RC3H2: variants seen among roughly 807,000 people sequenced by gnomAD.
RC3H2 encodes the protein roquin-2.
A neutral mutation model predicts 133.3 loss-of-function variants in RC3H2; 31 were observed. That is an observed-to-expected ratio of 0.23 (90% CI 0.17 to 0.31). RC3H2 has a LOEUF of 0.31. Ranked by LOEUF, RC3H2 falls within the 10% of genes least tolerant of loss-of-function variation. The probability of loss-of-function intolerance (pLI) is 1.00; values close to 1 mark genes in which losing one functional copy is unlikely to be tolerated. For synonymous variants in RC3H2, 517 were observed against 502.2 expected (o/e 1.03, Z -0.40); for missense variants, 1,175 against 1,437.2 (o/e 0.82, Z 2.95).
Position 122,844,924 on chromosome 9 carries a change from A to G in RC3H2, c.*4703T>C, listed in dbSNP as rs1829837510. ...ATATATATTCCCCATTTCATTGTAC[A>G]GAATTATTTTAAATTATAGTTTTAA... On this transcript the variant is annotated 3_prime_UTR_variant, in exon 21 of 21. Coordinates refer to ENST00000357244, the MANE Select transcript of RC3H2 (RefSeq NM_001100588.3). 6.6e-6 allele frequency: 1 copy of G among 152,244 alleles called. No individual in the cohort carries two copies. Among genetic ancestry groups the G allele is most frequent in the Admixed American group, 6.5e-5 (1 of 15,280 alleles). 9.4% of individuals were successfully genotyped at this position (152,244 alleles called of 1,614,324 possible). A position where few individuals can be genotyped will look rare whatever the true frequency, so the allele number is the denominator to read the frequency against.
At chr9:122,887,022 T>A (rs1468638746) in intron 4 of RC3H2, among the ~76,000 whole-genome samples, 1 of 152,304 alleles carries the variant, frequency 6.6e-6, no homozygotes, top group South Asian at 2.1e-4. Context: ...TAATGGAAAA[T>A]TTGCCTCACT....
intron 20 of RC3H2, among the ~76,000 whole-genome samples, chr9:122,850,133 C>A (rs977130929): frequency 1.3e-5 from 2 of 151,908 alleles, no homozygotes; most frequent in East Asian, 1.9e-4. Flanking sequence ...TGTGCCACCA[C>A]GCCCAGCTAT....
chr9:122,897,409 G>T lies in RC3H2; in HGVS notation c.101C>A (p.Ser34Ter). 1 of 1,614,192 alleles carries T rather than the reference G, an allele frequency of 6.2e-7. No individual in the cohort carries two copies. Among genetic ancestry groups the T allele is most frequent in the South Asian group, 1.1e-5 (1 of 91,078 alleles). ...NVHKPISLGC[S>*]HTVCKTCLNK... ...CAAGCAGGTCTTGCAAACAGTGTGT[G>T]AACAACCTAAACTGATGGGTTTGTG... Residue 34 changes from serine to a stop codon, truncating the protein, a stop_gained, in exon 2 of 21, where the codon TCA becomes TAA. Transcript: ENST00000357244. LOFTEE classifies it high-confidence loss of function.
At chr9:122,879,424 AAATTTAC>A (rs1831500899) in intron 8 of RC3H2, among the ~76,000 whole-genome samples, 1 of 152,124 alleles carries the variant, frequency 6.6e-6, no homozygotes, top group South Asian at 2.1e-4. Flanking sequence ...CAAATTCCAT[AAATTTAC>A]ATATAGAAAT....
chr9:122,861,632 T>C (rs1830461118), intron 10 of RC3H2, among the ~76,000 whole-genome samples: 1 of 152,206 alleles, frequency 6.6e-6, no homozygotes, highest in South Asian at 2.1e-4. Flanking sequence ...AGATATGTGA[T>C]GAGTGAAGAA....
chr9:122,855,746 T>C lies in RC3H2; in HGVS notation c.2587A>G (p.Asn863Asp). 1 of 1,612,848 alleles carries C rather than the reference T, an allele frequency of 6.2e-7. No homozygotes were observed. Among genetic ancestry groups the C allele is most frequent in the South Asian group, 1.1e-5 (1 of 90,910 alleles). ...SEPKDVIANSNAVLMDLDSGD... is the reference protein window; with the variant it reads ...SEPKDVIANSDAVLMDLDSGD... ...CAAAATCATACCATTAACACAGCAT[T>C]TGAATTAGCAATGACATCTTTGGGC... Residue 863 changes from asparagine (N) to aspartate (D), a missense_variant, in exon 14 of 21, where the codon AAT becomes GAT. Physicochemically the swap from Asn to Asp is conservative, Grantham distance 23. Transcript: ENST00000357244.
At chr9:122,876,318 G>A (rs1329653892) in intron 9 of RC3H2, among the ~76,000 whole-genome samples, 1 of 152,090 alleles carries the variant, frequency 6.6e-6, no homozygotes, top group East Asian at 1.9e-4. Flanking sequence ...AAAACAAAAT[G>A]AATATGCCCA....
At chr9:122,902,487 C>T (rs1012264589) in intron 1 of RC3H2, among the ~76,000 whole-genome samples, 1 of 151,920 alleles carries the variant, frequency 6.6e-6, no homozygotes, top group Non-Finnish European at 1.5e-5. Flanking sequence ...CAGTAATATC[C>T]GATAGAAATA....
rs745843521 is a variant in RC3H2, at chr9:122,873,582, G to A, written c.1325+3889C>T. On this transcript the variant is annotated intron_variant, in intron 9 of 20. Transcript: ENST00000357244. ...AAAAAATTTAGCCAGGCATGGTGGCGTGTGTCTGTGGTCCCAGCTACTCGA... is the reference window on the plus strand; with the variant it reads ...AAAAAATTTAGCCAGGCATGGTGGCATGTGTCTGTGGTCCCAGCTACTCGA... 1.1e-4 allele frequency among the ~76,000 whole-genome samples: 17 copies of A among 151,820 alleles called. No homozygotes were observed. The East Asian group carries it at 1.4e-3, about 12-fold the overall frequency.
intron 4 of RC3H2, among the ~76,000 whole-genome samples, chr9:122,888,041 G>A (rs532550211): frequency 1.3e-5 from 2 of 152,092 alleles, no homozygotes; most frequent in African/African-American, 4.8e-5. Flanking sequence ...CACTGCGCCT[G>A]GCCTTGTATC....
At chr9:122,897,257 T>G in intron 2 of RC3H2, 22 bp downstream of exon 2, 1 of 1,611,044 alleles carries the variant, frequency 6.2e-7, no homozygotes, top group Non-Finnish European at 8.5e-7. Context: ...CACCAACCTA[T>G]AGTAAAATCT....
In RC3H2 at chr9:122,892,968, A is replaced by G; in HGVS notation, c.290T>C (p.Val97Ala). The change falls in exon 3 of 21, where the codon GTT becomes GCT. Residue 97 changes from valine to alanine, a missense_variant. Around this residue, in one of 8 missense-constraint regions of RC3H2, gnomAD observed 30 missense variants for 25.2 expected, o/e 1.19. Coordinates refer to ENST00000357244, the MANE Select transcript of RC3H2 (RefSeq NM_001100588.3). The stretch of plus-strand genomic sequence containing the variant: ...CAAATCCTCAACGCATTTCTTTGCA[A>G]CCTCATAGTGTTTATTCTCACCTAG... ...SNLGENKHYE[V>A]AKKCVEDLAL... The G allele has an allele frequency of 6.2e-7, 1 of 1,613,242 alleles. No homozygotes were observed. The highest frequency in any genetic ancestry group is 1.1e-5 in the South Asian group (1 of 91,066).
intron 2 of RC3H2, among the ~76,000 whole-genome samples, chr9:122,896,262 G>A (rs916575602): frequency 6.6e-6 from 1 of 151,988 alleles, no homozygotes; most frequent in Middle Eastern, 3.2e-3. Flanking sequence ...CTGACACATT[G>A]GTTTTTGGTT....
At chr9:122,889,700 G>A (rs1400118225) in intron 4 of RC3H2, among the ~76,000 whole-genome samples, 2 of 152,006 alleles carry the variant, frequency 1.3e-5, no homozygotes, top group East Asian at 1.9e-4. Flanking sequence ...GGCTTATTAC[G>A]TGTTCAATCT....
intron 1 of RC3H2, among the ~76,000 whole-genome samples, chr9:122,903,155 A>G (rs935846054): frequency 1.3e-5 from 2 of 152,226 alleles, no homozygotes; most frequent in African/African-American, 4.8e-5. Context: ...AAATTGAGGT[A>G]AAACTCACAC....
At chr9:122,878,811 C>T (rs892310998) in intron 8 of RC3H2, among the ~76,000 whole-genome samples, 8 of 151,820 alleles carry the variant, frequency 5.3e-5, no homozygotes, top group Non-Finnish European at 1.5e-5. Flanking sequence ...TGCAGTGGCG[C>T]GATCTCGGCT....
intron 1 of RC3H2, among the ~76,000 whole-genome samples, chr9:122,902,271 C>T (rs530164021): frequency 2.0e-5 from 3 of 152,170 alleles, no homozygotes; most frequent in East Asian, 1.9e-4. Flanking sequence ...TTAGTGATGA[C>T]GAGAAAAATA....
chr9:122,902,721 G>A (rs1832702438), intron 1 of RC3H2, among the ~76,000 whole-genome samples: 2 of 151,794 alleles, frequency 1.3e-5, no homozygotes, highest in Admixed American at 6.6e-5. Context: ...GTGTAGTGGT[G>A]CCTTCCTGTA....
At chr9:122,868,751 A>G (rs1419496020) in intron 9 of RC3H2, among the ~76,000 whole-genome samples, 1 of 151,898 alleles carries the variant, frequency 6.6e-6, no homozygotes, top group Non-Finnish European at 1.5e-5. Context: ...AAAATAAATA[A>G]ATAAATAAAT....
Sources: allele counts gnomAD v4.1 joint callset (sites outside exome capture counted in the v4.1 genomes callset), GRCh38; gene constraint gnomAD v4.1.1; regional missense constraint gnomAD v4.1.1; transcripts MANE v1.5; gene names NCBI Gene and HGNC (gene_info 2026-07-23, HGNC 2026-07-21).